The following RNF169 variants were observed in gnomAD, a reference collection of about 807,000 sequenced individuals.
The protein encoded by RNF169 is ring finger protein 169.
A neutral mutation model predicts 53.9 loss-of-function variants in RNF169; 24 were observed. The ratio of observed to expected loss-of-function variants is 0.45; its 90% CI spans 0.32 to 0.63. The LOEUF is 0.63. Ranked by LOEUF, RNF169 falls within the 20% of genes least tolerant of loss-of-function variation. RNF169 has a pLI of 0.04. For missense variants in RNF169, 883 were observed against 906.2 expected (o/e 0.97, Z 0.33); for synonymous variants, 396 against 363.5 (o/e 1.09, Z -1.02).
intron 2 of RNF169, among the ~76,000 whole-genome samples, chr11:74,799,086 G>T (rs201637540): frequency 3.7e-4 from 52 of 140,876 alleles, no homozygotes; most frequent in Non-Finnish European, 4.4e-4. Context: ...ATTTCCAGTG[G>T]TTTTTTTTTT....
intron 4 of RNF169, among the ~76,000 whole-genome samples, chr11:74,822,737 A>G (rs889208880): frequency 2.6e-5 from 4 of 152,226 alleles, no homozygotes; most frequent in African/African-American, 4.8e-5. Flanking sequence ...ATGAGATACA[A>G]TATATTTCAA....
At chr11:74,779,081 A>C (rs1032764373) in intron 1 of RNF169, among the ~76,000 whole-genome samples, 10 of 152,250 alleles carry the variant, frequency 6.6e-5, no homozygotes, top group Non-Finnish European at 1.2e-4. Context: ...AGTATTGGAC[A>C]GTTAAATTAT....
intron 2 of RNF169, among the ~76,000 whole-genome samples, chr11:74,797,744 C>T (rs2035670073): frequency 1.3e-5 from 2 of 152,222 alleles, no homozygotes; most frequent in South Asian, 4.1e-4. Context: ...CTTTCGGAGG[C>T]TGAGGTAGAA....
At position 74,835,763 on chromosome 11, in the gene RNF169, G is replaced by C. The variant is rs772121603; in HGVS notation, c.1160G>C (p.Cys387Ser). Reference sequence around the variant, plus strand: ...CTAAACCATTTCAAGCCCATTGTCTGCTCACCATGTACTCCTCCCAAGAGA... The same window carrying C: ...CTAAACCATTTCAAGCCCATTGTCTCCTCACCATGTACTCCTCCCAAGAGA... ...EELNHFKPIV[C>S]SPCTPPKRLP... The change falls in exon 6 of 6, where the codon TGC becomes TCC. Residue 387 changes from cysteine (C) to serine (S), a missense_variant. Physicochemically the swap from Cys to Ser is moderately radical, Grantham distance 112. Transcript: ENST00000299563. 2 of 1,614,148 alleles carry C rather than the reference G, an allele frequency of 1.2e-6. No homozygotes were observed. The highest frequency in any genetic ancestry group is 1.1e-5 in the South Asian group (1 of 91,076).
intron 4 of RNF169, among the ~76,000 whole-genome samples, chr11:74,828,475 A>G (rs1229775407): frequency 6.6e-6 from 1 of 152,248 alleles, no homozygotes; most frequent in East Asian, 1.9e-4. Context: ...ATTAGAAAAA[A>G]CTATTTTAAA....
Position 74,748,941 on chromosome 11 carries a change from C to G in RNF169, c.61C>G (p.Arg21Gly). ...SSAAAAAALS[R>G]RGRRGRCDET... ...CGCGGCGGCAGCAGCCGCTCTGAGT[C>G]GGCGGGGCCGGCGGGGCCGCTGTGA... Residue 21 changes from arginine (R) to glycine (G), a missense_variant, in exon 1 of 6, where the codon CGG becomes GGG. Physicochemically the swap from Arg to Gly is moderately radical, Grantham distance 125. This residue lies in a region of RNF169 where 313 missense variants were observed against 279.9 expected (regional missense o/e 1.12). Coordinates refer to ENST00000299563, the MANE Select transcript of RNF169 (RefSeq NM_001098638.2). 6.9e-7 allele frequency: 1 copy of G among 1,445,658 alleles called. No individual in the cohort carries two copies. The highest frequency in any genetic ancestry group is 2.3e-5 in the Admixed American group (1 of 43,696). 89.6% of individuals were successfully genotyped at this position (1,445,658 alleles called of 1,614,324 possible).
intron 1 of RNF169, among the ~76,000 whole-genome samples, chr11:74,782,151 G>A (rs1050352944): frequency 2.0e-5 from 3 of 152,182 alleles, no homozygotes; most frequent in African/African-American, 7.2e-5. Context: ...TGAAGCGGCT[G>A]GTGGAGAGTT....
At chr11:74,832,108 C>T (rs935321026) in intron 4 of RNF169, 1 of 152,174 alleles carries the variant, frequency 6.6e-6, no homozygotes, top group African/African-American at 2.4e-5. Flanking sequence ...ACTTATGCTA[C>T]AGAGTGGTGG....
At chr11:74,823,843 A>G (rs2036053636) in intron 4 of RNF169, among the ~76,000 whole-genome samples, 1 of 152,102 alleles carries the variant, frequency 6.6e-6, no homozygotes, top group Non-Finnish European at 1.5e-5. Context: ...CAGAGAATTC[A>G]TTGGCCACAT....
At chr11:74,749,573 G>A (rs1045094295) in intron 1 of RNF169, among the ~76,000 whole-genome samples, 191 bp downstream of exon 1, 8 of 152,244 alleles carry the variant, frequency 5.3e-5, no homozygotes, top group Non-Finnish European at 7.3e-5. Context: ...GGACAGGCAC[G>A]TTGCATGCGG....
At chr11:74,833,329 G>C (rs1591434926) in intron 4 of RNF169, among the ~76,000 whole-genome samples, 5 of 152,218 alleles carry the variant, frequency 3.3e-5, no homozygotes, top group Admixed American at 3.3e-4. Context: ...CTACAAAAGA[G>C]TAGATATGAT....
At position 74,836,415 on chromosome 11, in the gene RNF169, T is replaced by C; in HGVS notation, c.1812T>C (p.Gly604=). 1 of 1,614,218 alleles carries C rather than the reference T, an allele frequency of 6.2e-7. No homozygotes were observed. The highest frequency in any genetic ancestry group is 8.5e-7 in the Non-Finnish European group (1 of 1,180,040). The change falls in exon 6 of 6, where the codon GGT becomes GGC. Residue 604 remains glycine, a synonymous_variant. Transcript: ENST00000299563. ...KTLNHFDLTN[G]VLVESLSEEP... is the part of the protein sequence containing the mutation. ...TAAATCATTTTGATCTGACTAATGG[T>C]GTTCTAGTTGAGAGCCTAAGTGAAG...
chr11:74,837,297 T>C lies in RNF169; in HGVS notation c.*567T>C, dbSNP rs891762572. On this transcript the variant is annotated 3_prime_UTR_variant, in exon 6 of 6. Transcript: ENST00000299563. Reference sequence around the variant, plus strand: ...AAAAAATAATATTTGGTGAATGCTATATAGTTGACAGAGCACATTTACAGA... The same window carrying C: ...AAAAAATAATATTTGGTGAATGCTACATAGTTGACAGAGCACATTTACAGA... 2.0e-5 allele frequency: 3 copies of C among 152,856 alleles called. No individual in the cohort carries two copies. The highest frequency in any genetic ancestry group is 7.2e-5 in the African/African-American group (3 of 41,588). The allele number at this position is 152,856 out of a possible 1,614,324, so 9.5% of individuals were successfully genotyped here. A position where few individuals can be genotyped will look rare whatever the true frequency, so the allele number is the denominator to read the frequency against.
chr11:74,797,532 C>T (rs998815905), intron 2 of RNF169, among the ~76,000 whole-genome samples: 3 of 152,194 alleles, frequency 2.0e-5, no homozygotes, highest in African/African-American at 7.2e-5. Flanking sequence ...CTCTTTAACT[C>T]CACTGTGTCT....
intron 1 of RNF169, among the ~76,000 whole-genome samples, chr11:74,783,610 G>A (rs767271597): frequency 4.6e-5 from 7 of 152,188 alleles, no homozygotes; most frequent in Non-Finnish European, 8.8e-5. Flanking sequence ...CCCTGTAAAA[G>A]CTGGTAGAAG....
At chr11:74,751,445 T>C (rs1424505413) in intron 1 of RNF169, among the ~76,000 whole-genome samples, 1 of 152,202 alleles carries the variant, frequency 6.6e-6, no homozygotes, top group Non-Finnish European at 1.5e-5. Flanking sequence ...TACTACTGAT[T>C]ATATGGCCAC....
intron 2 of RNF169, among the ~76,000 whole-genome samples, chr11:74,805,065 C>T (rs1343039005): frequency 6.6e-6 from 1 of 152,170 alleles, no homozygotes; most frequent in Non-Finnish European, 1.5e-5. Context: ...ACAAAAACAC[C>T]TGTCCACAAA....
chr11:74,750,173 C>T (rs2034864852), intron 1 of RNF169, among the ~76,000 whole-genome samples: 1 of 152,192 alleles, frequency 6.6e-6, no homozygotes, highest in Non-Finnish European at 1.5e-5. Context: ...CTAACACCAG[C>T]AGCCTGCTAT....
chr11:74,771,884 C>A (rs2035265647), intron 1 of RNF169, among the ~76,000 whole-genome samples: 1 of 152,134 alleles, frequency 6.6e-6, no homozygotes, highest in South Asian at 2.1e-4. Context: ...GACCTTCTCT[C>A]TATAAAATAA....
Sources: gnomAD v4.1 joint callset for allele counts (sites outside exome capture counted in the v4.1 genomes callset) on GRCh38, gnomAD v4.1.1 for gene constraint, gnomAD v4.1.1 regional missense constraint, MANE v1.5 for transcripts, NCBI Gene and HGNC (gene_info 2026-07-23, HGNC 2026-07-21) for gene names.